AIRIM: variants seen among roughly 807,000 people sequenced by gnomAD.
AIRIM encodes AFG2-interacting ribosome maturation factor.
the AIRIM span, among the ~76,000 whole-genome samples, chr1:37,686,724 C>T: frequency 5.3e-5 from 8 of 152,090 alleles, no homozygotes; most frequent in Non-Finnish European, 1.2e-4. Context: ...CAATTGAGAC[C>T]ACTGGTCTAA....
At chr1:37,682,835 T>C in the AIRIM span, 31 of 360,984 alleles carry the variant, frequency 8.6e-5, 1 homozygote, top group Non-Finnish European at 1.4e-4. Flanking sequence ...AAAGACACTA[T>C]GTTCTTCAGC....
the AIRIM span, among the ~76,000 whole-genome samples, chr1:37,689,325 T>C: frequency 1.3e-5 from 2 of 152,180 alleles, no homozygotes; most frequent in Non-Finnish European, 2.9e-5. Context: ...CAAAGAAAAC[T>C]ATAGGGCAGA....
the AIRIM span, chr1:37,684,166 G>A: frequency 1.3e-5 from 2 of 152,560 alleles, no homozygotes; most frequent in Admixed American, 6.5e-5. Context: ...CAACAGAGGG[G>A]ATGGGGACAG....
the AIRIM span, chr1:37,689,850 G>C: frequency 1.3e-6 from 2 of 1,582,752 alleles, no homozygotes; most frequent in Non-Finnish European, 1.7e-6. Flanking sequence ...AGCGCCTCCT[G>C]CACGGCAAGC....
At chr1:37,690,478 G>A in the AIRIM span, 1 of 1,249,218 alleles carries the variant, frequency 8.0e-7, no homozygotes, top group Non-Finnish European at 1.0e-6. Flanking sequence ...GACAGCCAAA[G>A]CGTGAGAACC....
At chr1:37,690,236 C>G in the AIRIM span, 5 of 1,274,116 alleles carry the variant, frequency 3.9e-6, no homozygotes, top group Non-Finnish European at 5.1e-6. Flanking sequence ...CCGCCCGCCT[C>G]GGTCTTCCAA....
the AIRIM span, among the ~76,000 whole-genome samples, chr1:37,689,211 G>A: frequency 6.6e-6 from 1 of 152,148 alleles, no homozygotes; most frequent in African/African-American, 2.4e-5. Context: ...AGAATTAAGT[G>A]CAGTTAAGTC....
At chr1:37,683,548 A>G in the AIRIM span, 2 of 1,283,060 alleles carry the variant, frequency 1.6e-6, no homozygotes, top group East Asian at 4.7e-5. Context: ...AGATATCCTT[A>G]CATTTTACCA....
the AIRIM span, among the ~76,000 whole-genome samples, chr1:37,688,325 G>T: frequency 1.3e-5 from 2 of 152,172 alleles, no homozygotes; most frequent in Non-Finnish European, 2.9e-5. Context: ...TGGGATTACA[G>T]CCATAAGCCA....
chr1:37,686,341 T>C, the AIRIM span: 5 of 1,614,014 alleles, frequency 3.1e-6, no homozygotes, highest in African/African-American at 6.7e-5. Context: ...GGCTCACTGC[T>C]GAAGGCTGCA....
chr1:37,690,469 A>G, the AIRIM span: 1 of 1,258,030 alleles, frequency 7.9e-7, no homozygotes, highest in Non-Finnish European at 1.0e-6. Flanking sequence ...AAAAGTCCAG[A>G]CAGCCAAAGC....
chr1:37,690,526 G>A, the AIRIM span: 3 of 1,170,862 alleles, frequency 2.6e-6, no homozygotes, highest in Middle Eastern at 3.6e-4. Flanking sequence ...GTCTCTCTGC[G>A]CATGCTCACA....
chr1:37,687,791 A>C, the AIRIM span, among the ~76,000 whole-genome samples: 27 of 152,194 alleles, frequency 1.8e-4, 1 homozygote. Flanking sequence ...AGGTACTCAC[A>C]GCACTCCTGG....
chr1:37,682,159 C>T, the AIRIM span: 1 of 152,110 alleles, frequency 6.6e-6, no homozygotes, highest in African/African-American at 2.4e-5. Flanking sequence ...TCTAGTTTTC[C>T]TATGATCTTT....
the AIRIM span, chr1:37,691,415 T>A: frequency 1.3e-5 from 2 of 152,430 alleles, no homozygotes; most frequent in Admixed American, 6.5e-5. Flanking sequence ...TCAGACCGCA[T>A]CCACAGGTGA....
At chr1:37,688,908 A>G in the AIRIM span, among the ~76,000 whole-genome samples, 2 of 149,842 alleles carry the variant, frequency 1.3e-5, no homozygotes, top group Non-Finnish European at 3.0e-5. Flanking sequence ...CGAGGCTACA[A>G]TGAGCTGTGA....
At chr1:37,687,088 G>A in the AIRIM span, among the ~76,000 whole-genome samples, 39,759 of 147,560 alleles carry the variant, frequency 0.27, 5,647 homozygotes, top group African/African-American at 0.35. Flanking sequence ...GTGTGTGTGT[G>A]TGTGTGTGTG....
At chr1:37,690,005 CAGA>C in the AIRIM span, 3 of 1,429,258 alleles carry the variant, frequency 2.1e-6, no homozygotes, top group East Asian at 7.5e-5. Context: ...GTCTCACCTC[CAGA>C]AGCAGGGTTT....
chr1:37,689,739 G>T, the AIRIM span: 1 of 1,613,930 alleles, frequency 6.2e-7, no homozygotes, highest in African/African-American at 1.3e-5. Flanking sequence ...GCCTGCAGCT[G>T]TTCCGCCAGG....
Sources: allele counts gnomAD v4.1 joint callset (sites outside exome capture counted in the v4.1 genomes callset), GRCh38; gene constraint gnomAD v4.1.1; transcripts MANE v1.5; gene names NCBI Gene and HGNC (gene_info 2026-07-23, HGNC 2026-07-21).